Variants in MGAT5 observed in about 807,000 individuals in gnomAD.
MGAT5 encodes the protein alpha-1,6-mannosylglycoprotein 6-beta-N-acetylglucosaminyltransferase A.
A neutral mutation model predicts 94.3 loss-of-function variants in MGAT5; 30 were observed. The observed-to-expected ratio is 0.32, with a 90% CI of 0.24 to 0.43. The LOEUF (loss-of-function observed/expected upper bound fraction) is 0.43, where lower values mean the gene tolerates loss of function less well. MGAT5 is among the 20% of genes least tolerant of loss of function. MGAT5 has a pLI of 1.00. For synonymous variants in MGAT5, 310 were observed against 322.9 expected, an observed-to-expected ratio of 0.96 and a Z score of 0.43; for missense variants, 691 against 905.5, an observed-to-expected ratio of 0.76 and a Z score of 3.04.
chr2:134,386,054 C>T (rs978525701), intron 10 of MGAT5, among the ~76,000 whole-genome samples: 1 of 152,120 alleles, frequency 6.6e-6, no homozygotes, highest in African/African-American at 2.4e-5. Flanking sequence ...GCACTGGGGA[C>T]ATTTTGATCC....
chr2:134,221,362 TCTAAAGAC>T (rs1224138351), intron 1 of MGAT5, among the ~76,000 whole-genome samples: 1 of 152,206 alleles, frequency 6.6e-6, no homozygotes, highest in African/African-American at 2.4e-5. Context: ...GTTGAGTTTA[TCTAAAGAC>T]CTGGGATTAA....
At chr2:134,348,029 C>T (rs1340337864) in intron 8 of MGAT5, among the ~76,000 whole-genome samples, 1 of 152,230 alleles carries the variant, frequency 6.6e-6, no homozygotes, top group African/African-American at 2.4e-5. Context: ...CAGTGACCTG[C>T]AGAGCTGCCA....
intron 2 of MGAT5, among the ~76,000 whole-genome samples, chr2:134,315,220 C>T (rs1421582600): frequency 6.6e-6 from 1 of 152,150 alleles, no homozygotes; most frequent in East Asian, 1.9e-4. Flanking sequence ...GTGAATATTT[C>T]AGGAGTAGAA....
intron 10 of MGAT5, among the ~76,000 whole-genome samples, chr2:134,382,730 C>T (rs943232843): frequency 5.8e-4 from 88 of 152,344 alleles, no homozygotes; most frequent in African/African-American, 1.9e-3. Flanking sequence ...TTGCCTACTT[C>T]TACCATTTCC....
intron 1 of MGAT5, among the ~76,000 whole-genome samples, chr2:134,228,552 G>A (rs1336409249): frequency 5.9e-5 from 9 of 152,090 alleles, no homozygotes. Context: ...AATGGATCTG[G>A]GCCTCTTGAA....
intron 1 of MGAT5, among the ~76,000 whole-genome samples, chr2:134,154,900 G>A (rs1687403578): frequency 6.6e-6 from 1 of 152,222 alleles, no homozygotes; most frequent in Non-Finnish European, 1.5e-5. Context: ...ACCGTGAGGT[G>A]TCTTGGTCAT....
At chr2:134,323,663 C>T (rs896434738) in intron 4 of MGAT5, among the ~76,000 whole-genome samples, 3 of 152,084 alleles carry the variant, frequency 2.0e-5, no homozygotes, top group African/African-American at 7.2e-5. Context: ...ATGGTTAAAT[C>T]CACTTGTGAT....
At chr2:134,376,501 A>G (rs1681181397) in intron 10 of MGAT5, among the ~76,000 whole-genome samples, 1 of 152,190 alleles carries the variant, frequency 6.6e-6, no homozygotes, top group African/African-American at 2.4e-5. Context: ...ACCAGTGACA[A>G]TGTAAGTAAC....
chr2:134,315,608 TG>T (rs1648950478), intron 2 of MGAT5, among the ~76,000 whole-genome samples: 1 of 152,198 alleles, frequency 6.6e-6, no homozygotes, highest in Non-Finnish European at 1.5e-5. Flanking sequence ...AAGTAAAAGT[TG>T]TGTGGAATTA....
intron 1 of MGAT5, among the ~76,000 whole-genome samples, chr2:134,226,907 A>G (rs139006988): frequency 6.6e-6 from 1 of 151,822 alleles, no homozygotes; most frequent in Non-Finnish European, 1.5e-5. Context: ...CCATGCCCCA[A>G]TTCTTCATTC....
intron 1 of MGAT5, among the ~76,000 whole-genome samples, chr2:134,125,928 C>T (rs1315066417): frequency 1.3e-5 from 2 of 152,194 alleles, no homozygotes; most frequent in South Asian, 2.1e-4. Context: ...TTTTAGGGCT[C>T]CTGGCTCCTC....
At chr2:134,387,210 G>A (rs940952997) in intron 10 of MGAT5, among the ~76,000 whole-genome samples, 33 of 149,904 alleles carry the variant, frequency 2.2e-4, no homozygotes, top group East Asian at 5.9e-4. Context: ...GCAGTGAGCC[G>A]AGATTGCTCC....
chr2:134,425,728 T>A (rs1252403290), intron 13 of MGAT5, among the ~76,000 whole-genome samples: 2 of 152,030 alleles, frequency 1.3e-5, no homozygotes, highest in Non-Finnish European at 2.9e-5. Context: ...TGTCCCTGAC[T>A]TGGAAAGGTG....
chr2:134,369,321 C>CAG (rs1267840581), intron 10 of MGAT5, among the ~76,000 whole-genome samples: 4 of 152,120 alleles, frequency 2.6e-5, no homozygotes, highest in Non-Finnish European at 5.9e-5. Context: ...GCAAATTCTA[C>CAG]AGACCACATA....
chr2:134,180,741 G>A (rs1199895227), intron 1 of MGAT5, among the ~76,000 whole-genome samples: 1 of 152,180 alleles, frequency 6.6e-6, no homozygotes, highest in African/African-American at 2.4e-5. Context: ...TTAGAACTGT[G>A]TGTAAAATAA....
intron 4 of MGAT5, among the ~76,000 whole-genome samples, chr2:134,326,013 G>A (rs1449780808): frequency 2.7e-5 from 4 of 150,434 alleles, no homozygotes; most frequent in Non-Finnish European, 4.4e-5. Flanking sequence ...CTTGAGTTGG[G>A]AGGCACATAA....
At chr2:134,401,639 T>A (rs903123001) in intron 10 of MGAT5, among the ~76,000 whole-genome samples, 3 of 152,184 alleles carry the variant, frequency 2.0e-5, no homozygotes, top group African/African-American at 7.2e-5. Flanking sequence ...CTGTACTAAT[T>A]TAAAACTATA....
At chr2:134,328,737 G>A (rs1265038964) in intron 4 of MGAT5, among the ~76,000 whole-genome samples, 1 of 151,968 alleles carries the variant, frequency 6.6e-6, no homozygotes, top group Non-Finnish European at 1.5e-5. Context: ...AGATGGGGCA[G>A]CAAACAATAA....
intron 1 of MGAT5, among the ~76,000 whole-genome samples, chr2:134,255,466 T>C (rs1374315793): frequency 6.7e-6 from 1 of 148,358 alleles, no homozygotes; most frequent in Non-Finnish European, 1.5e-5. Context: ...AATATATATA[T>C]ACATATATAT....
Sources: gnomAD v4.1 joint callset for allele counts (sites outside exome capture counted in the v4.1 genomes callset) on GRCh38, gnomAD v4.1.1 for gene constraint, MANE v1.5 for transcripts, NCBI Gene and HGNC (gene_info 2026-07-23, HGNC 2026-07-21) for gene names.